Variants in C1orf159 observed in about 807,000 individuals in gnomAD.
C1orf159 encodes chromosome 1 open reading frame 159.
In C1orf159, 19 loss-of-function variants were observed where a neutral mutation model predicts 25.6. That is an observed-to-expected ratio of 0.74 (90% CI 0.52 to 1.09). The LOEUF (loss-of-function observed/expected upper bound fraction) is 1.09, where lower values mean the gene tolerates loss of function less well. Among genes scored for constraint, C1orf159 ranks in the 50% least tolerant of loss-of-function variants. C1orf159 has a pLI of 0.00. For missense variants in C1orf159, 274 were observed against 290.6 expected, an observed-to-expected ratio of 0.94 and a Z score of 0.42; for synonymous variants, 139 against 124.7, an observed-to-expected ratio of 1.12 and a Z score of -0.77.
At position 1,087,575 on chromosome 1, in the gene C1orf159, C is replaced by T. The variant is rs779135018; in HGVS notation, c.171G>A (p.Ala57=). The T allele has an allele frequency of 1.2e-5, 19 of 1,547,802 alleles. No homozygotes were observed. The highest frequency in any genetic ancestry group is 2.0e-5 in the Admixed American group (1 of 50,950). The change falls in exon 5 of 10, where the codon GCG becomes GCA. Residue 57 remains alanine, a synonymous_variant. Coordinates refer to ENST00000421241, the MANE Select transcript of C1orf159 (RefSeq NM_017891.5). The surrounding 1 kb of genome is among the most constrained non-coding windows in gnomAD (Gnocchi z 8.3). ...CGPGCYRRWN[A]DGSASCVRCG... is the part of the protein sequence containing the mutation. ...AGCGGACGCAGCTGGCGCTCCCGTCCGCGTTCCAGCGCCTGTAACAGCCTG... is the reference window on the plus strand; with the variant it reads ...AGCGGACGCAGCTGGCGCTCCCGTCTGCGTTCCAGCGCCTGTAACAGCCTG...
chr1:1,115,543 T>C (rs866721249), intron 1 of C1orf159, among the ~76,000 whole-genome samples: 6,642 of 27,876 alleles, frequency 0.24, 809 homozygotes, highest in African/African-American at 0.46. Flanking sequence ...GTGCCCCCTC[T>C]CCCCCAGAGA....
intron 9 of C1orf159, 109 bp downstream of exon 9, chr1:1,084,244 G>A (rs1645792259): frequency 7.9e-6 from 12 of 1,519,642 alleles, no homozygotes; most frequent in South Asian, 4.0e-5. Context: ...GGGCAGGGGT[G>A]GCCGAGATCC....
At chr1:1,097,334 A>G (rs1007474896) in intron 1 of C1orf159, among the ~76,000 whole-genome samples, 1 of 151,044 alleles carries the variant, frequency 6.6e-6, no homozygotes, top group African/African-American at 2.4e-5. Flanking sequence ...CTCACTTCTG[A>G]CCTCAAGTGA....
At position 1,086,010 on chromosome 1, in the gene C1orf159, C is replaced by A. The variant is rs141132143; in HGVS notation, c.313G>T (p.Ala105Ser). The A allele has an allele frequency of 3.8e-5, 61 of 1,612,574 alleles. No individual in the cohort carries two copies. Among genetic ancestry groups the A allele is most frequent in the Non-Finnish European group, 4.8e-5 (57 of 1,179,718 alleles). The change falls in exon 7 of 10, where the codon GCT becomes TCT. Residue 105 changes from alanine to serine, a missense_variant and splice_region_variant. Transcript: ENST00000421241. ...AAGAGGGAGGCGGCCACGCGCGGAG[C>A]CCCTGCAAACAGACACCGCTGAGCA... ...SGTPGRPHPG[A>S]PRVAASLFLG...
At chr1:1,113,850 G>A (rs796535411) in intron 1 of C1orf159, among the ~76,000 whole-genome samples, 53 of 152,222 alleles carry the variant, frequency 3.5e-4, no homozygotes, top group African/African-American at 1.3e-3. Context: ...CACAGCGGCT[G>A]CGGGCACTTG....
Position 1,091,432 on chromosome 1 carries a change from TCTGG to T in C1orf159, c.72+36_72+39del, listed in dbSNP as rs753648700. Reference sequence around the variant, plus strand: ...AGGGCCCACCGCCCTCCACAGAGGCTCTGGCTTAGGCCGCGTGGACACGTGAGGG... The same window carrying T: ...AGGGCCCACCGCCCTCCACAGAGGCTCTTAGGCCGCGTGGACACGTGAGGG... On this transcript the variant is annotated intron_variant, in intron 3 of 9. Coordinates refer to ENST00000421241, the MANE Select transcript of C1orf159 (RefSeq NM_017891.5). The T allele has an allele frequency of 7.8e-6, 12 of 1,529,144 alleles. No individual in the cohort carries two copies. In the South Asian group the frequency reaches 1.4e-4, roughly 18 times the overall value. 94.7% of individuals were successfully genotyped at this position (1,529,144 alleles called of 1,614,324 possible). A position where few individuals can be genotyped will look rare whatever the true frequency, so the allele number is the denominator to read the frequency against.
chr1:1,090,994 T>C lies in C1orf159; in HGVS notation c.72+478A>G, dbSNP rs531840866. 7.3e-5 allele frequency: 113 copies of C among 1,546,912 alleles called. 1 individual carries two copies. In the South Asian group the frequency reaches 1.2e-3, roughly 17 times the overall value. On this transcript the variant is annotated intron_variant, in intron 3 of 9. Transcript: ENST00000421241. Reference sequence around the variant, plus strand: ...GCTGTTTCTCGTGACCTGAATGCAGTGAACGGTGAGGGCGTCCAGGGGTGA... The same window carrying C: ...GCTGTTTCTCGTGACCTGAATGCAGCGAACGGTGAGGGCGTCCAGGGGTGA...
chr1:1,084,985 C>T (rs558223424), intron 7 of C1orf159, among the ~76,000 whole-genome samples: 7 of 152,260 alleles, frequency 4.6e-5, no homozygotes, highest in South Asian at 2.1e-4. Context: ...CCTGGCTTCT[C>T]GTCCCGTGGC....
In C1orf159 at chr1:1,113,896, G is replaced by A. The variant is rs368517117; in HGVS notation, c.-136+2164C>T. Among the ~76,000 whole-genome samples the A allele has an allele frequency of 5.5e-4, 83 of 151,010 alleles. No individual in the cohort carries two copies. In the South Asian group the frequency reaches 0.017, roughly 31 times the overall value. ...TGCACAGAGTTTACTGGAGTTGTGC[G>A]CACGCTCCCTCGAGGCCTTTTTTTT... is the stretch of plus-strand genomic sequence containing the variant. On this transcript the variant is annotated intron_variant, in intron 1 of 9. Transcript: ENST00000421241.
chr1:1,091,081 GC>G, intron 3 of C1orf159: 1 of 1,030,806 alleles, frequency 9.7e-7, no homozygotes, highest in Non-Finnish European at 1.4e-6. Flanking sequence ...TCCCTCAAAC[GC>G]CCCAGCCAGG....
chr1:1,087,194 C>A lies in C1orf159; in HGVS notation c.255G>T (p.Pro85=). Residue 85 remains proline (P), a synonymous_variant, in exon 6 of 10, where the codon CCG becomes CCT. Coordinates refer to ENST00000421241, the MANE Select transcript of C1orf159 (RefSeq NM_017891.5). The surrounding 1 kb of genome is among the most constrained non-coding windows in gnomAD (Gnocchi z 8.3). ...TTCTGTTCATGGGGAATGGCGCACCCGGGCCAGCAACTGTGGGATAGCAGA... is the reference window on the plus strand; with the variant it reads ...TTCTGTTCATGGGGAATGGCGCACCAGGGCCAGCAACTGTGGGATAGCAGA... ...NGSECRSFAG[P]GAPFPMNRSS... is the part of the protein sequence containing the mutation. The A allele has an allele frequency of 6.2e-7, 1 of 1,607,674 alleles. No homozygotes were observed. The highest frequency in any genetic ancestry group is 1.1e-5 in the South Asian group (1 of 90,444).
intron 1 of C1orf159, chr1:1,105,889 A>G (rs1646164386): frequency 6.6e-6 from 1 of 152,162 alleles, no homozygotes; most frequent in Admixed American, 6.5e-5. Flanking sequence ...ACAAACAAAT[A>G]AATAAATAAA....
At chr1:1,092,649 C>G (rs1215670911) in intron 1 of C1orf159, 1 of 152,812 alleles carries the variant, frequency 6.5e-6, no homozygotes, top group East Asian at 1.9e-4. Context: ...GGGCTGTGAG[C>G]AGCAGGGAGA....
At chr1:1,097,744 A>G (rs1189774638) in intron 1 of C1orf159, among the ~76,000 whole-genome samples, 3 of 152,064 alleles carry the variant, frequency 2.0e-5, no homozygotes, top group African/African-American at 7.2e-5. Flanking sequence ...CTTTCTTAAA[A>G]TTGACCATTC....
intron 1 of C1orf159, among the ~76,000 whole-genome samples, chr1:1,113,418 T>C (rs1238297443): frequency 1.3e-5 from 2 of 152,154 alleles, no homozygotes; most frequent in East Asian, 3.9e-4. Flanking sequence ...AGGTGGCTCT[T>C]TCTTTTCTTT....
In C1orf159 at chr1:1,090,434, G is replaced by A; in HGVS notation, c.73-6C>T. The A allele has an allele frequency of 1.3e-6, 2 of 1,550,350 alleles. No homozygotes were observed. The highest frequency in any genetic ancestry group is 2.4e-5 in the East Asian group (1 of 40,896). ...CAGCACTCGGGCAGCTGGGCCTGGA[G>A]GGGACACGGCAGTGAAACTCCAGGA... is the stretch of plus-strand genomic sequence containing the variant. On this transcript the variant is annotated splice_region_variant and splice_polypyrimidine_tract_variant and intron_variant, in intron 3 of 9. Coordinates refer to ENST00000421241, the MANE Select transcript of C1orf159 (RefSeq NM_017891.5).
rs757559710 is a variant in C1orf159 at position 1,082,957 on chromosome 1, C to G, written c.533G>C (p.Arg178Pro). ...VRKPRYVRRE[R>P]PLDRATDPAA... ...GGGATCCGTGGCCCTGTCCAGGGGC[C>G]GCTCCCGCCTGACGTAGCGCGGCTT... Residue 178 changes from arginine to proline, a missense_variant, in exon 10 of 10, where the codon CGG becomes CCG. Physicochemically the swap from Arg to Pro is moderately radical, Grantham distance 103. Transcript: ENST00000421241. 4 of 1,602,712 alleles carry G rather than the reference C, an allele frequency of 2.5e-6. No individual in the cohort carries two copies. The highest frequency in any genetic ancestry group is 1.7e-5 in the Admixed American group (1 of 58,990).
intron 6 of C1orf159, among the ~76,000 whole-genome samples, chr1:1,086,860 T>C (rs1275411415): frequency 3.3e-5 from 5 of 152,154 alleles, no homozygotes; most frequent in African/African-American, 1.2e-4. Flanking sequence ...TGAGAGCGTG[T>C]GGCTGTGAGC....
At chr1:1,085,227 A>C in intron 7 of C1orf159, 1 of 411,276 alleles carries the variant, frequency 2.4e-6, no homozygotes, top group Non-Finnish European at 5.0e-6. Context: ...CAGCTCGGCT[A>C]TCACAGTCTG....
Sources: allele counts gnomAD v4.1 joint callset (sites outside exome capture counted in the v4.1 genomes callset), GRCh38; gene constraint gnomAD v4.1.1; non-coding constraint Gnocchi (gnomAD v3.1); transcripts MANE v1.5; gene names NCBI Gene and HGNC (gene_info 2026-07-23, HGNC 2026-07-21).